Variants in ODAD4 observed in about 807,000 individuals in gnomAD.
ODAD4 encodes the protein outer dynein arm-docking complex subunit 4.
Under a neutral mutation model 51.8 loss-of-function variants are expected in ODAD4, and 49 were observed. The observed-to-expected ratio is 0.95, with a 90% CI of 0.75 to 1.20. ODAD4 has a LOEUF of 1.20. Among genes scored for constraint, ODAD4 ranks in the 50% most tolerant of loss-of-function variants. The pLI is 0.00. For synonymous variants in ODAD4, 235 were observed against 221.3 expected (o/e 1.06, Z -0.55); for missense variants, 590 against 586.5 (o/e 1.01, Z -0.06).
chr17:41,937,516 G>T (rs1213564198), intron 5 of ODAD4, among the ~76,000 whole-genome samples: 3 of 151,868 alleles, frequency 2.0e-5, no homozygotes, highest in Admixed American at 6.6e-5. Flanking sequence ...TGTCACACAG[G>T]CTGGAGTGCA....
chr17:41,932,880 C>T (rs1555637167), intron 1 of ODAD4, among the ~76,000 whole-genome samples: 1 of 152,038 alleles, frequency 6.6e-6, no homozygotes, highest in Non-Finnish European at 1.5e-5. Context: ...GTTTTTATGA[C>T]CATTTCTTTT....
rs1431249919 is a variant in ODAD4 at position 41,964,044 on chromosome 17, G to C, written c.1529-949G>C. Among the ~76,000 whole-genome samples, 3 of 150,104 alleles carry C rather than the reference G, an allele frequency of 2.0e-5. 1 individual carries two copies. The highest frequency in any genetic ancestry group is 6.9e-3 in the Middle Eastern group (2 of 288). On this transcript the variant is annotated intron_variant, in intron 11 of 11. Coordinates refer to ENST00000377540, the MANE Select transcript of ODAD4 (RefSeq NM_031421.5). ...CCTGAGTAGCTGGGACTACAGTCTT[G>C]TGCCACCACTCCCGGTTAATTTTTT...
At chr17:41,949,017 C>T (rs999326882) in intron 8 of ODAD4, 136 bp from the exon 9 acceptor site, 1 of 396,360 alleles carries the variant, frequency 2.5e-6, no homozygotes, top group African/African-American at 2.1e-5. Context: ...TGCTTATGAA[C>T]TCCACCCTTG....
At chr17:41,945,793 C>A (rs572698485) in intron 8 of ODAD4, among the ~76,000 whole-genome samples, 2 of 151,544 alleles carry the variant, frequency 1.3e-5, no homozygotes, top group Non-Finnish European at 1.5e-5. Flanking sequence ...CCCAGCTGCT[C>A]GGGAGGCTGA....
chr17:41,937,156 G>A, intron 5 of ODAD4: 1 of 504,660 alleles, frequency 2.0e-6, no homozygotes. Context: ...AATCCAGGAA[G>A]TCCAATTTTA....
At chr17:41,941,840 T>C (rs2050511707) in intron 7 of ODAD4, among the ~76,000 whole-genome samples, 1 of 151,576 alleles carries the variant, frequency 6.6e-6, no homozygotes, top group South Asian at 2.1e-4. Flanking sequence ...TCCCCTAGGC[T>C]CCCTCTCCAC....
intron 11 of ODAD4, among the ~76,000 whole-genome samples, chr17:41,964,312 C>T (rs1349577459): frequency 3.3e-5 from 5 of 152,132 alleles, no homozygotes; most frequent in African/African-American, 9.7e-5. Flanking sequence ...CCACCTGCCT[C>T]GGCCTCCCAA....
chr17:41,952,365 CAA>C (rs140105127), intron 9 of ODAD4, among the ~76,000 whole-genome samples: 6 of 87,236 alleles, frequency 6.9e-5, no homozygotes, highest in Admixed American at 1.4e-4. Context: ...GACTCTGTAT[CAA>C]AAAAAAAAAA....
intron 1 of ODAD4, among the ~76,000 whole-genome samples, chr17:41,932,464 C>T (rs1266198534): frequency 1.3e-5 from 2 of 152,158 alleles, no homozygotes; most frequent in African/African-American, 2.4e-5. Context: ...GATTCAAAGC[C>T]GGGCTCAGAC....
Position 41,958,310 on chromosome 17 carries a change from A to G in ODAD4, c.1443+2993A>G, listed in dbSNP as rs541086665. Among the ~76,000 whole-genome samples the G allele has an allele frequency of 2.0e-5, 3 of 152,196 alleles. No homozygotes were observed. The South Asian group carries it at 6.2e-4, about 32-fold the overall frequency. ...ATCAAAGTCCACGTTGTGCACTTGT[A>G]ATTGCCTAGACTTCCATTGCTTAAG... On this transcript the variant is annotated intron_variant, in intron 10 of 11. Coordinates refer to ENST00000377540, the MANE Select transcript of ODAD4 (RefSeq NM_031421.5).
At chr17:41,950,606 C>T (rs2050639838) in intron 9 of ODAD4, among the ~76,000 whole-genome samples, 1 of 152,048 alleles carries the variant, frequency 6.6e-6, no homozygotes, top group Admixed American at 6.6e-5. Flanking sequence ...AAACTCCTGG[C>T]CTCAAGTGAT....
At chr17:41,956,718 C>T (rs2050739363) in intron 10 of ODAD4, among the ~76,000 whole-genome samples, 1 of 151,820 alleles carries the variant, frequency 6.6e-6, no homozygotes, top group Admixed American at 6.6e-5. Context: ...CCCTGCACTC[C>T]AGCCTGGGTG....
At chr17:41,932,257 C>T (rs191609282) in intron 1 of ODAD4, among the ~76,000 whole-genome samples, 5 of 152,006 alleles carry the variant, frequency 3.3e-5, no homozygotes, top group South Asian at 2.1e-4. Flanking sequence ...TTAGTAGAGA[C>T]GGGGTTTCTC....
intron 10 of ODAD4, among the ~76,000 whole-genome samples, chr17:41,958,910 A>G (rs1424710987): frequency 6.6e-6 from 1 of 150,970 alleles, no homozygotes. Context: ...GCTACTCGGG[A>G]GGCTGAAGCA....
intron 11 of ODAD4, among the ~76,000 whole-genome samples, chr17:41,963,130 G>A (rs1286308985): frequency 1.3e-5 from 2 of 152,126 alleles, no homozygotes; most frequent in Non-Finnish European, 2.9e-5. Flanking sequence ...GAGAACTGCC[G>A]GGCACGTCCC....
chr17:41,965,246 A>G lies in ODAD4; in HGVS notation c.1782A>G (p.Gly594=). 1 of 777,326 alleles carries G rather than the reference A, an allele frequency of 1.3e-6. No individual in the cohort carries two copies. The highest frequency in any genetic ancestry group is 2.4e-6 in the Non-Finnish European group (1 of 416,364). 48.2% of individuals were successfully genotyped at this position (777,326 alleles called of 1,614,324 possible). A position where few individuals can be genotyped will look rare whatever the true frequency, so the allele number is the denominator to read the frequency against. The change falls in exon 12 of 12, where the codon GGA becomes GGG. Residue 594 remains glycine, a synonymous_variant. Transcript: ENST00000377540. ...CAGGAGAATTAGGCACAAGATCAGG[A>G]GAAACAGGCAGGAAGCTACTAGAAG... The part of the protein sequence containing the change: ...GLSGELGTRS[G]ETGRKLLEAG...
At chr17:41,963,912 T>G (rs1367794573) in intron 11 of ODAD4, among the ~76,000 whole-genome samples, 2 of 151,496 alleles carry the variant, frequency 1.3e-5, no homozygotes, top group African/African-American at 4.9e-5. Flanking sequence ...TTTTTTTTTT[T>G]TGAAATGGAG....
intron 8 of ODAD4, among the ~76,000 whole-genome samples, chr17:41,946,301 T>TG (rs1443443208): frequency 6.6e-6 from 1 of 152,148 alleles, no homozygotes; most frequent in Non-Finnish European, 1.5e-5. Context: ...TCCATGACAC[T>TG]GGCTGCCAAT....
rs534155758 is a variant in ODAD4 at position 41,954,595 on chromosome 17, T to A, written c.1343-622T>A. ...CTGGCCGAGCGGTGGCTCACACCTGTAATCCCAGCACTTTGGGAGGCCGAG... is the reference window on the plus strand; with the variant it reads ...CTGGCCGAGCGGTGGCTCACACCTGAAATCCCAGCACTTTGGGAGGCCGAG... On this transcript the variant is annotated intron_variant, in intron 9 of 11. Transcript: ENST00000377540. Among the ~76,000 whole-genome samples the A allele has an allele frequency of 2.0e-5, 3 of 152,070 alleles. No homozygotes were observed. In the East Asian group the frequency reaches 5.8e-4, roughly 30 times the overall value.
Sources: allele counts gnomAD v4.1 joint callset (sites outside exome capture counted in the v4.1 genomes callset), GRCh38; gene constraint gnomAD v4.1.1; transcripts MANE v1.5; gene names NCBI Gene and HGNC (gene_info 2026-07-23, HGNC 2026-07-21).